The following C12orf42 variants were observed in gnomAD, a reference collection of about 807,000 sequenced individuals.
C12orf42 encodes chromosome 12 open reading frame 42.
In C12orf42, 25 loss-of-function variants were observed where a neutral mutation model predicts 21.6. That is an observed-to-expected ratio of 1.16 (90% CI 0.84 to 1.62). The LOEUF is 1.62. Ranked by LOEUF, C12orf42 falls within the 40% of genes most tolerant of loss-of-function variation. The pLI is 0.00. For synonymous variants in C12orf42, 174 were observed against 175.0 expected, an observed-to-expected ratio of 0.99 and a Z score of 0.05; for missense variants, 483 against 459.3, an observed-to-expected ratio of 1.05 and a Z score of -0.47.
At chr12:103,252,775 G>T (rs117790091) in intron 10 of C12orf42, among the ~76,000 whole-genome samples, 33,162 of 151,890 alleles carry the variant, frequency 0.22, 3,703 homozygotes, top group African/African-American at 0.29. Flanking sequence ...CTGATGATCG[G>T]TTCTTTTGCT....
At chr12:103,389,690 C>T (rs535645756) in intron 3 of C12orf42, among the ~76,000 whole-genome samples, 10 of 152,262 alleles carry the variant, frequency 6.6e-5, no homozygotes, top group East Asian at 5.8e-4. Flanking sequence ...TCAGTTTTGA[C>T]GCAGAAAACG....
At chr12:103,162,042 C>T in the C12orf42 span, among the ~76,000 whole-genome samples, 1 of 152,126 alleles carries the variant, frequency 6.6e-6, no homozygotes, top group Non-Finnish European at 1.5e-5. Flanking sequence ...CTTCCCTTTT[C>T]CCTCCTAATG....
chr12:103,233,056 A>G (rs1234175136), downstream of C12orf42, among the ~76,000 whole-genome samples: 2 of 152,186 alleles, frequency 1.3e-5, no homozygotes, highest in African/African-American at 4.8e-5. Context: ...TGAACTATAC[A>G]CTAAATTAAC....
chr12:103,237,870 A>G (rs2033523622), exon 11 of C12orf42: 1 of 152,224 alleles, frequency 6.6e-6, no homozygotes, highest in African/African-American at 2.4e-5. Flanking sequence ...TAGTTCTATC[A>G]TGTTCCGTTG....
At chr12:103,170,537 C>T in the C12orf42 span, among the ~76,000 whole-genome samples, 3 of 152,042 alleles carry the variant, frequency 2.0e-5, no homozygotes, top group Non-Finnish European at 2.9e-5. Context: ...TTTCTCCTCT[C>T]CTCGTACACA....
At chr12:103,149,499 C>T in the C12orf42 span, among the ~76,000 whole-genome samples, 1 of 151,974 alleles carries the variant, frequency 6.6e-6, no homozygotes, top group Non-Finnish European at 1.5e-5. Context: ...GGTTTGTGTC[C>T]CCACCCAAAT....
At chr12:103,216,034 C>T in the C12orf42 span, among the ~76,000 whole-genome samples, 2 of 152,184 alleles carry the variant, frequency 1.3e-5, no homozygotes, top group African/African-American at 4.8e-5. Flanking sequence ...CCTAATTTCT[C>T]GAAGGGAGAG....
chr12:103,177,120 TG>T, the C12orf42 span, among the ~76,000 whole-genome samples: 2 of 116,388 alleles, frequency 1.7e-5, no homozygotes, highest in Non-Finnish European at 3.8e-5. Context: ...TAAAGGCAAA[TG>T]GAAAAAAAAA....
At chr12:103,154,742 T>A in the C12orf42 span, among the ~76,000 whole-genome samples, 1 of 152,274 alleles carries the variant, frequency 6.6e-6, no homozygotes, top group South Asian at 2.1e-4. Flanking sequence ...AAGGAGGAAA[T>A]TCCGTTTTTT....
intron 1 of C12orf42, among the ~76,000 whole-genome samples, chr12:103,483,951 A>G (rs1408425464): frequency 3.3e-5 from 5 of 152,164 alleles, no homozygotes; most frequent in East Asian, 1.9e-4. Context: ...TGAGAATGAT[A>G]GTTTCCAGCT....
the C12orf42 span, among the ~76,000 whole-genome samples, chr12:103,561,774 G>A: frequency 6.6e-6 from 1 of 152,148 alleles, no homozygotes; most frequent in Non-Finnish European, 1.5e-5. Flanking sequence ...CTCCTGGTGT[G>A]TCTTTTCTTG....
intron 4 of C12orf42, among the ~76,000 whole-genome samples, chr12:103,315,001 CA>C (rs1219391352): frequency 6.6e-6 from 1 of 152,136 alleles, no homozygotes; most frequent in East Asian, 1.9e-4. Flanking sequence ...TAGGGAATCT[CA>C]AAGTCCAGAG....
intron 10 of C12orf42, among the ~76,000 whole-genome samples, chr12:103,245,507 TAGAG>T (rs777585912): frequency 3.1e-4 from 47 of 152,112 alleles, no homozygotes; most frequent in Non-Finnish European, 2.2e-4. Context: ...AACCCTAACA[TAGAG>T]AGTTATTTTT....
At chr12:103,437,978 C>A (rs1286196843) in intron 2 of C12orf42, among the ~76,000 whole-genome samples, 3 of 150,374 alleles carry the variant, frequency 2.0e-5, no homozygotes, top group Non-Finnish European at 4.4e-5. Flanking sequence ...GACCAATATC[C>A]CTGATGAGCA....
the C12orf42 span, among the ~76,000 whole-genome samples, chr12:103,530,944 G>A: frequency 6.6e-6 from 1 of 152,118 alleles, no homozygotes; most frequent in Non-Finnish European, 1.5e-5. Context: ...TGAAAAGGAG[G>A]GGCAGAGGCA....
At chr12:103,392,159 C>G (rs187103761) in intron 3 of C12orf42, among the ~76,000 whole-genome samples, 2 of 152,174 alleles carry the variant, frequency 1.3e-5, no homozygotes, top group South Asian at 2.1e-4. Flanking sequence ...TTTCTTGGTA[C>G]GCTTTTCAAT....
At chr12:103,538,343 G>C in the C12orf42 span, among the ~76,000 whole-genome samples, 1 of 152,354 alleles carries the variant, frequency 6.6e-6, no homozygotes, top group Admixed American at 6.5e-5. Flanking sequence ...CAGTAGAGAG[G>C]AAGAGTGTAA....
At chr12:103,111,841 AAG>A in the C12orf42 span, among the ~76,000 whole-genome samples, 5 of 152,230 alleles carry the variant, frequency 3.3e-5, no homozygotes. Flanking sequence ...GATAGGAAAA[AAG>A]GAACATGAAG....
chr12:103,250,874 C>CTG (rs3063697), intron 10 of C12orf42, among the ~76,000 whole-genome samples: 224 of 149,422 alleles, frequency 1.5e-3, no homozygotes, highest in East Asian at 4.3e-3. Context: ...TCTTTTATCA[C>CTG]TGTGTGTGTG....
Sources: allele counts gnomAD v4.1 joint callset (sites outside exome capture counted in the v4.1 genomes callset), GRCh38; gene constraint gnomAD v4.1.1; transcripts MANE v1.5; gene names NCBI Gene and HGNC (gene_info 2026-07-23, HGNC 2026-07-21).